The following ATG2B variants were observed in gnomAD, a reference collection of about 807,000 sequenced individuals.
ATG2B encodes the protein autophagy-related protein 2 homolog B.
In ATG2B, 121 loss-of-function variants were observed where a neutral mutation model predicts 241.3. The observed-to-expected ratio is 0.50, with a 90% CI of 0.43 to 0.58. The LOEUF is 0.58. Among genes scored for constraint, ATG2B ranks in the 20% least tolerant of loss-of-function variants. The pLI is 0.00. For synonymous variants in ATG2B, 858 were observed against 876.6 expected (o/e 0.98, Z 0.37); for missense variants, 2,306 against 2,491.6 (o/e 0.93, Z 1.59).
Position 96,303,169 on chromosome 14 carries a change from G to A in ATG2B, c.4929C>T (p.Phe1643=). Reference sequence around the variant, plus strand: ...CTCGAATCTCAAGATCCTGAACAATGAACACCTGCCGGGAGACTGGGTGTT... The same window carrying A: ...CTCGAATCTCAAGATCCTGAACAATAAACACCTGCCGGGAGACTGGGTGTT... ...LSEHPVSRQV[F]IVQDLEIRDR... The change falls in exon 33 of 42, where the codon TTC becomes TTT. Residue 1643 remains phenylalanine (F), a synonymous_variant. Transcript: ENST00000359933. 1 of 1,613,372 alleles carries A rather than the reference G, an allele frequency of 6.2e-7. No individual in the cohort carries two copies. Among genetic ancestry groups the A allele is most frequent in the Non-Finnish European group, 8.5e-7 (1 of 1,179,724 alleles).
In ATG2B at chr14:96,294,980, C is replaced by T. The variant is rs138690370; in HGVS notation, c.5406G>A (p.Arg1802=). Residue 1802 remains arginine, a synonymous_variant, in exon 36 of 42, where the codon AGG becomes AGA. Coordinates refer to ENST00000359933, the MANE Select transcript of ATG2B (RefSeq NM_018036.7). ...GTTACCTAAAAAACACAGGCTGATC[C>T]CTAAAAGATGCTTCTTCAGCAGAGA... ...KNFSAEEASF[R]DQPVFFREFR... 3.7e-6 allele frequency: 6 copies of T among 1,613,930 alleles called. No homozygotes were observed. In the African/African-American group the frequency reaches 8.0e-5, roughly 22 times the overall value.
At chr14:96,331,287 G>C in intron 11 of ATG2B, 89 bp downstream of exon 11, 1 of 1,255,492 alleles carries the variant, frequency 8.0e-7, no homozygotes, top group Non-Finnish European at 1.1e-6. Flanking sequence ...CAGATAGGCA[G>C]ATACAAAAGT....
intron 4 of ATG2B, among the ~76,000 whole-genome samples, chr14:96,344,033 T>C (rs1005843322): frequency 1.3e-5 from 2 of 152,246 alleles, no homozygotes; most frequent in African/African-American, 4.8e-5. Context: ...TCATACAGCA[T>C]TAACACACGG....
intron 6 of ATG2B, among the ~76,000 whole-genome samples, chr14:96,336,509 T>C (rs1339630730): frequency 6.6e-6 from 1 of 152,178 alleles, no homozygotes; most frequent in Non-Finnish European, 1.5e-5. Flanking sequence ...GTCACTAATA[T>C]ACAGAACTCT....
Position 96,325,643 on chromosome 14 carries a change from T to A in ATG2B, c.2437+6A>T. ...ATGGTTCTTTTACAGGCACATTCAA[T>A]CTTACCAATTAGTTCTCTAAAGGTA... On this transcript the variant is annotated splice_donor_region_variant and intron_variant, in intron 15 of 41. Coordinates refer to ENST00000359933, the MANE Select transcript of ATG2B (RefSeq NM_018036.7). 1 of 1,607,852 alleles carries A rather than the reference T, an allele frequency of 6.2e-7. No homozygotes were observed. The highest frequency in any genetic ancestry group is 1.1e-5 in the South Asian group (1 of 90,084).
At chr14:96,361,644 T>C (rs990287808) in intron 1 of ATG2B, among the ~76,000 whole-genome samples, 2 of 152,116 alleles carry the variant, frequency 1.3e-5, no homozygotes, top group Middle Eastern at 3.2e-3. Context: ...GTGTGCTCCA[T>C]TAGTGTTTAC....
chr14:96,328,291 T>A, intron 14 of ATG2B, 56 bp downstream of exon 14: 1 of 1,233,498 alleles, frequency 8.1e-7, no homozygotes, highest in East Asian at 2.3e-5. Context: ...ATTATCTCAA[T>A]AACCCTATTA....
In ATG2B at chr14:96,345,390, G is replaced by A; in HGVS notation, c.326-5C>T. ...ACATAGGCTCAGAACCAGTTGCTGT[G>A]GAAAATATAAATTAATCCTAAATAA... On this transcript the variant is annotated splice_polypyrimidine_tract_variant and splice_region_variant and intron_variant, in intron 2 of 41. Transcript: ENST00000359933. 1 of 1,583,436 alleles carries A rather than the reference G, an allele frequency of 6.3e-7. No homozygotes were observed. Among genetic ancestry groups the A allele is most frequent in the Non-Finnish European group, 8.6e-7 (1 of 1,168,938 alleles).
rs759799081 is a variant in ATG2B, at chr14:96,312,129, T to C, written c.3873A>G (p.Leu1291=). The change falls in exon 26 of 42, where the codon CTA becomes CTG. Residue 1291 remains leucine (L), a synonymous_variant. Transcript: ENST00000359933. ...TAGTGACAGTATTGCATTTGTCAGA[T>C]AGATGTAAAGCAGCTTCATCCAAGA... ...RIILDEAALH[L]SDKCNTVTIN... is the part of the protein sequence containing the mutation. 3.2e-5 allele frequency: 52 copies of C among 1,601,952 alleles called. No homozygotes were observed. The highest frequency in any genetic ancestry group is 1.5e-4 in the South Asian group (13 of 88,452).
chr14:96,308,260 ATATATATATATATATATATATAT>A (rs1887037230), intron 29 of ATG2B, among the ~76,000 whole-genome samples: 5 of 17,254 alleles, frequency 2.9e-4, no homozygotes, highest in South Asian at 1.5e-3. Context: ...ATACACACAT[ATATATATATATATATATATATAT>A]TTTTTTTTTT....
rs770448618 is a variant in ATG2B at position 96,305,843 on chromosome 14, C to T, written c.4507-28G>A. On this transcript the variant is annotated intron_variant, in intron 30 of 41. Transcript: ENST00000359933. ...AAAATAAACAAACAGGTAACACATA[C>T]TCTCTTTTCTAATTAGAAACAACTG... is the stretch of plus-strand genomic sequence containing the variant. 1.9e-6 allele frequency: 3 copies of T among 1,557,816 alleles called. No homozygotes were observed. In the Admixed American group the frequency reaches 5.0e-5, roughly 26 times the overall value.
Position 96,294,987 on chromosome 14 carries a change from G to A in ATG2B, c.5399C>T (p.Ser1800Phe), listed in dbSNP as rs1397116122. ...AAAAAACACAGGCTGATCCCTAAAA[G>A]ATGCTTCTTCAGCAGAGAAGTTCTT... ...EEKNFSAEEA[S>F]FRDQPVFFRE... The change falls in exon 36 of 42, where the codon TCT becomes TTT. Residue 1800 changes from serine to phenylalanine, a missense_variant. Transcript: ENST00000359933. 6.2e-7 allele frequency: 1 copy of A among 1,614,142 alleles called. No homozygotes were observed. The highest frequency in any genetic ancestry group is 1.7e-5 in the Admixed American group (1 of 60,022).
intron 15 of ATG2B, 155 bp from the exon 16 acceptor site, chr14:96,324,153 C>G: frequency 1.7e-6 from 1 of 578,466 alleles, no homozygotes; most frequent in Non-Finnish European, 3.0e-6. Context: ...GTGTGGTAGA[C>G]AGAATGAGCC....
chr14:96,336,673 A>G (rs1887877093), intron 6 of ATG2B, among the ~76,000 whole-genome samples: 1 of 152,226 alleles, frequency 6.6e-6, no homozygotes, highest in African/African-American at 2.4e-5. Flanking sequence ...ATTAACCAAA[A>G]CAGAACTATA....
chr14:96,312,247 C>G (rs1887179596), intron 25 of ATG2B, 88 bp from the exon 26 acceptor site: 1 of 863,958 alleles, frequency 1.2e-6, no homozygotes, highest in South Asian at 1.5e-5. Flanking sequence ...TTGCATCATT[C>G]TTTCTGGTAT....
intron 11 of ATG2B, among the ~76,000 whole-genome samples, chr14:96,330,320 T>C (rs1887699780): frequency 6.6e-6 from 1 of 152,218 alleles, no homozygotes; most frequent in African/African-American, 2.4e-5. Flanking sequence ...TCAATTTTCA[T>C]ACTTTAAAAA....
intron 23 of ATG2B, among the ~76,000 whole-genome samples, chr14:96,313,767 C>T (rs1238382690): frequency 6.6e-6 from 1 of 152,078 alleles, no homozygotes; most frequent in Non-Finnish European, 1.5e-5. Context: ...ATGCAGAAGC[C>T]TATCCAACAA....
chr14:96,331,428 A>G lies in ATG2B; in HGVS notation c.1678T>C (p.Phe560Leu). Residue 560 changes from phenylalanine (F) to leucine (L), a missense_variant, in exon 11 of 42, where the codon TTT (phenylalanine) becomes CTT (leucine). Coordinates refer to ENST00000359933, the MANE Select transcript of ATG2B (RefSeq NM_018036.7). ...GCAAACACTGCTCGGAAAGACTTAAAATCTTCTGTTGAAAATCTTGCTGGA... is the reference window on the plus strand; with the variant it reads ...GCAAACACTGCTCGGAAAGACTTAAGATCTTCTGTTGAAAATCTTGCTGGA... The part of the protein sequence containing the change: ...IDPARFSTED[F>L]KSFRAVFAEA... 1 of 1,614,100 alleles carries G rather than the reference A, an allele frequency of 6.2e-7. No homozygotes were observed. The highest frequency in any genetic ancestry group is 8.5e-7 in the Non-Finnish European group (1 of 1,179,988).
chr14:96,307,084 C>T (rs1454199738), intron 29 of ATG2B, among the ~76,000 whole-genome samples, 168 bp from the exon 30 acceptor site: 1 of 136,758 alleles, frequency 7.3e-6, no homozygotes, highest in Non-Finnish European at 1.7e-5. Context: ...TAACATGCAC[C>T]AAAACACCTC....
Sources: gnomAD v4.1 joint callset for allele counts (sites outside exome capture counted in the v4.1 genomes callset) on GRCh38, gnomAD v4.1.1 for gene constraint, MANE v1.5 for transcripts, NCBI Gene and HGNC (gene_info 2026-07-23, HGNC 2026-07-21) for gene names.